Variants in IL19 observed in about 807,000 individuals in gnomAD.
IL19 encodes the protein interleukin-19.
IL19 carries 15 observed loss-of-function variants against 19.5 expected under a neutral mutation model. The observed-to-expected ratio is 0.77, with a 90% CI of 0.52 to 1.19. IL19 has a LOEUF of 1.19. IL19 is among the 50% of genes most tolerant of loss of function. The probability of loss-of-function intolerance (pLI) is 0.00; values close to 1 mark genes in which losing one functional copy is unlikely to be tolerated. For missense variants in IL19, 199 were observed against 213.1 expected, an observed-to-expected ratio of 0.93 and a Z score of 0.41; for synonymous variants, 78 against 78.3, an observed-to-expected ratio of 1.00 and a Z score of 0.02.
intron 2 of IL19, among the ~76,000 whole-genome samples, chr1:206,833,300 T>A (rs1676672708): frequency 1.3e-5 from 2 of 152,256 alleles, no homozygotes; most frequent in South Asian, 4.1e-4. Flanking sequence ...AAAGTTACTT[T>A]CCTTGTAAAG....
rs111905412 is a variant in IL19, at chr1:206,816,486, C to T, written c.-3+17480C>T. On this transcript the variant is annotated intron_variant, in intron 2 of 6. Coordinates refer to ENST00000659997, the MANE Select transcript of IL19 (RefSeq NM_153758.5). The stretch of plus-strand genomic sequence containing the variant: ...TGTGGTGAGTTAAAAGCATATGGTA[C>T]ATATGAAACCCTAAAGCAGCCACTG... 5.0e-3 allele frequency among the ~76,000 whole-genome samples: 767 copies of T among 151,984 alleles called. 9 individuals carry two copies. The highest frequency in any genetic ancestry group is 0.018 in the African/African-American group (733 of 41,442).
chr1:206,799,445 A>G (rs996787982), intron 2 of IL19, among the ~76,000 whole-genome samples: 2 of 152,182 alleles, frequency 1.3e-5, no homozygotes, highest in African/African-American at 4.8e-5. Context: ...GCTGCACGAC[A>G]CAGAGGGACT....
chr1:206,841,059 T>A lies in IL19; in HGVS notation c.419T>A (p.Ile140Asn). 1 of 1,614,010 alleles carries A rather than the reference T, an allele frequency of 6.2e-7. No homozygotes were observed. Among genetic ancestry groups the A allele is most frequent in the Non-Finnish European group, 8.5e-7 (1 of 1,179,880 alleles). Reference sequence around the variant, plus strand: ...GAAGCCACCAATGCCACCAGAGTCATCCATGACAACTATGATCAGGTAAGA... The same window carrying A: ...GAAGCCACCAATGCCACCAGAGTCAACCATGACAACTATGATCAGGTAAGA... ...RQEATNATRVIHDNYDQLEVH... is the reference protein window; with the variant it reads ...RQEATNATRVNHDNYDQLEVH... Residue 140 changes from isoleucine (I) to asparagine (N), a missense_variant, in exon 6 of 7, where the codon ATC (isoleucine) becomes AAC (asparagine). By Grantham distance (149) the Ile-to-Asn change is moderately radical. Transcript: ENST00000659997.
chr1:206,838,353 T>A (rs1437506121), intron 4 of IL19, among the ~76,000 whole-genome samples: 2 of 152,208 alleles, frequency 1.3e-5, no homozygotes, highest in Non-Finnish European at 2.9e-5. Context: ...GTAAGGTATA[T>A]TTGTATTGAG....
At chr1:206,812,194 C>A (rs1381180061) in intron 2 of IL19, among the ~76,000 whole-genome samples, 1 of 152,142 alleles carries the variant, frequency 6.6e-6, no homozygotes, top group African/African-American at 2.4e-5. Context: ...TCCATATTTC[C>A]TGTAGCCAGA....
chr1:206,826,768 A>G (rs568336912), intron 2 of IL19, among the ~76,000 whole-genome samples: 4 of 152,352 alleles, frequency 2.6e-5, no homozygotes, highest in African/African-American at 9.6e-5. Context: ...CCAGTTGGGA[A>G]GGACACTCTC....
chr1:206,799,832 C>T (rs976919281), intron 2 of IL19, among the ~76,000 whole-genome samples: 2 of 152,222 alleles, frequency 1.3e-5, no homozygotes, highest in African/African-American at 4.8e-5. Flanking sequence ...TGAAGACCCT[C>T]TGATCAATCC....
At chr1:206,789,088 G>T (rs1205973524) in intron 1 of IL19, among the ~76,000 whole-genome samples, 2 of 152,284 alleles carry the variant, frequency 1.3e-5, no homozygotes, top group East Asian at 3.9e-4. Context: ...GCCTTGGAAA[G>T]AAAGAGATTG....
intron 1 of IL19, among the ~76,000 whole-genome samples, chr1:206,776,909 CAAAAAAAAAAA>C (rs1186364224): frequency 4.0e-5 from 2 of 50,452 alleles, no homozygotes; most frequent in South Asian, 1.2e-3. Flanking sequence ...CTTGCAACTA[CAAAAAAAAAAA>C]AAAAAAAAAA....
At chr1:206,782,614 T>G (rs1395254381) in intron 1 of IL19, among the ~76,000 whole-genome samples, 2 of 152,190 alleles carry the variant, frequency 1.3e-5, no homozygotes, top group Non-Finnish European at 2.9e-5. Flanking sequence ...CCTGTGAGCC[T>G]CTCACATGTC....
intron 2 of IL19, among the ~76,000 whole-genome samples, chr1:206,818,462 A>G (rs1336459216): frequency 6.6e-6 from 1 of 152,248 alleles, no homozygotes. Context: ...GTATGATTCT[A>G]TTTACATAAT....
intron 1 of IL19, among the ~76,000 whole-genome samples, chr1:206,779,600 G>C (rs1675083975): frequency 6.6e-6 from 1 of 152,174 alleles, no homozygotes; most frequent in African/African-American, 2.4e-5. Context: ...GTTGTAGCAA[G>C]AGTAATTATT....
At chr1:206,839,364 G>A (rs1676919042) in intron 4 of IL19, among the ~76,000 whole-genome samples, 1 of 152,212 alleles carries the variant, frequency 6.6e-6, no homozygotes, top group Non-Finnish European at 1.5e-5. Flanking sequence ...ACAGTTGGAG[G>A]AATGCATACC....
intron 1 of IL19, among the ~76,000 whole-genome samples, chr1:206,775,242 C>T (rs1433144263): frequency 1.3e-5 from 2 of 151,852 alleles, no homozygotes; most frequent in Non-Finnish European, 2.9e-5. Flanking sequence ...TTATTAGAGA[C>T]GGGGTTTCAC....
chr1:206,812,405 T>A (rs536885449), intron 2 of IL19, among the ~76,000 whole-genome samples: 3 of 152,350 alleles, frequency 2.0e-5, no homozygotes, highest in East Asian at 1.9e-4. Flanking sequence ...GACTACCATT[T>A]GGCCATTTGG....
intron 2 of IL19, among the ~76,000 whole-genome samples, chr1:206,801,284 T>C (rs1675675956): frequency 6.6e-6 from 1 of 152,076 alleles, no homozygotes; most frequent in African/African-American, 2.4e-5. Context: ...AGATGAGGGA[T>C]TTCCATGGAC....
At chr1:206,813,545 G>T (rs1676071221) in intron 2 of IL19, among the ~76,000 whole-genome samples, 1 of 152,078 alleles carries the variant, frequency 6.6e-6, no homozygotes, top group Non-Finnish European at 1.5e-5. Context: ...ACAAGCACTG[G>T]CCAAGCAATG....
chr1:206,795,620 CA>C (rs1675503772), intron 1 of IL19, among the ~76,000 whole-genome samples: 1 of 152,206 alleles, frequency 6.6e-6, no homozygotes, highest in Non-Finnish European at 1.5e-5. Flanking sequence ...CCTTCTTCCT[CA>C]TTCTATGGAT....
chr1:206,806,379 T>A (rs984525049), intron 2 of IL19, among the ~76,000 whole-genome samples: 4 of 152,188 alleles, frequency 2.6e-5, no homozygotes, highest in Admixed American at 2.6e-4. Context: ...CTGAAATATA[T>A]TCAGGTAGAA....
Sources: allele counts gnomAD v4.1 joint callset (sites outside exome capture counted in the v4.1 genomes callset), GRCh38; gene constraint gnomAD v4.1.1; transcripts MANE v1.5; gene names NCBI Gene and HGNC (gene_info 2026-07-23, HGNC 2026-07-21).